The following ATP8A2 variants were observed in gnomAD, a reference collection of about 807,000 sequenced individuals.
ATP8A2 encodes ATPase phospholipid transporting 8A2, also known as phospholipid-transporting ATPase IB.
ATP8A2 carries 100 observed loss-of-function variants against 165.6 expected under a neutral mutation model. The ratio of observed to expected loss-of-function variants is 0.60; its 90% CI spans 0.51 to 0.71. ATP8A2 has a LOEUF of 0.71. Ranked by LOEUF, ATP8A2 falls within the 30% of genes least tolerant of loss-of-function variation. The pLI is 0.00. For missense variants in ATP8A2, 1,227 were observed against 1,479.5 expected, an observed-to-expected ratio of 0.83 and a Z score of 2.80; for synonymous variants, 543 against 548.8, an observed-to-expected ratio of 0.99 and a Z score of 0.15.
intron 36 of ATP8A2, among the ~76,000 whole-genome samples, chr13:26,012,902 G>A (rs960972846): frequency 2.0e-5 from 3 of 152,160 alleles, no homozygotes; most frequent in African/African-American, 7.2e-5. Flanking sequence ...GTTTTTTAAG[G>A]TTGAAGCAGT....
chr13:25,923,489 G>A (rs921523507), intron 33 of ATP8A2, among the ~76,000 whole-genome samples: 2 of 152,040 alleles, frequency 1.3e-5, no homozygotes, highest in African/African-American at 2.4e-5. Flanking sequence ...GAAAAATGAC[G>A]CTATTAATAT....
Position 26,022,592 on chromosome 13 carries a change from C to G in ATP8A2, c.*2607C>G, listed in dbSNP as rs977913843. 6.6e-6 allele frequency: 1 copy of G among 152,204 alleles called. No homozygotes were observed. Among genetic ancestry groups the G allele is most frequent in the Non-Finnish European group, 1.5e-5 (1 of 68,042 alleles). 9.4% of individuals were successfully genotyped at this position (152,204 alleles called of 1,614,324 possible). A position where few individuals can be genotyped will look rare whatever the true frequency, so the allele number is the denominator to read the frequency against. On this transcript the variant is annotated 3_prime_UTR_variant, in exon 37 of 37. Transcript: ENST00000381655. ...GTTGAGCATTCTTACAGCCAAATGA[C>G]TAAATTGGCTGTAAATTGGTTTCTA... is the stretch of plus-strand genomic sequence containing the variant.
intron 1 of ATP8A2, among the ~76,000 whole-genome samples, chr13:25,435,354 C>T (rs73471989): frequency 0.21 from 32,552 of 151,876 alleles, 3,867 homozygotes; most frequent in East Asian, 0.4. Context: ...CTCCTAACTT[C>T]GTGATCCACC....
chr13:25,814,292 A>T (rs1950954123), intron 27 of ATP8A2, among the ~76,000 whole-genome samples: 1 of 152,194 alleles, frequency 6.6e-6, no homozygotes, highest in African/African-American at 2.4e-5. Flanking sequence ...ATCATTAAAA[A>T]TTTTAGATGT....
rs548954624 is a variant in ATP8A2 at position 25,587,010 on chromosome 13, A to G, written c.2147-2625A>G. ...TTGTAGTATACTGTTAATTTCAACT[A>G]TAGTAAAAAATGAAATCCCAGAGGT... On this transcript the variant is annotated intron_variant, in intron 23 of 36. Transcript: ENST00000381655. Among the ~76,000 whole-genome samples, 5 of 152,350 alleles carry G rather than the reference A, an allele frequency of 3.3e-5. No individual in the cohort carries two copies. In the South Asian group the frequency reaches 8.3e-4, roughly 25 times the overall value.
At chr13:25,375,087 C>T (rs1371777787) in intron 1 of ATP8A2, among the ~76,000 whole-genome samples, 2 of 152,196 alleles carry the variant, frequency 1.3e-5, no homozygotes, top group African/African-American at 4.8e-5. Flanking sequence ...CAGTGTGTCT[C>T]ATTTTACCAA....
chr13:25,965,257 A>C (rs1236763062), intron 34 of ATP8A2, among the ~76,000 whole-genome samples: 1 of 152,220 alleles, frequency 6.6e-6, no homozygotes, highest in African/African-American at 2.4e-5. Context: ...CCATCTTTCT[A>C]CATTTTCCCC....
chr13:25,916,096 A>G (rs1378968849), intron 33 of ATP8A2, among the ~76,000 whole-genome samples: 1 of 152,214 alleles, frequency 6.6e-6, no homozygotes, highest in African/African-American at 2.4e-5. Context: ...AACATTTTCC[A>G]CCAACTGTGC....
At chr13:25,758,132 T>G (rs2044303216) in intron 25 of ATP8A2, among the ~76,000 whole-genome samples, 1 of 152,224 alleles carries the variant, frequency 6.6e-6, no homozygotes, top group African/African-American at 2.4e-5. Context: ...ATTTGGCTTC[T>G]CTGAACAGGG....
chr13:25,440,648 G>A (rs1003132109), intron 1 of ATP8A2, among the ~76,000 whole-genome samples: 1 of 152,204 alleles, frequency 6.6e-6, no homozygotes, highest in African/African-American at 2.4e-5. Flanking sequence ...CGTCTGCAAA[G>A]TTTTAAAAAA....
intron 27 of ATP8A2, among the ~76,000 whole-genome samples, chr13:25,782,887 G>A (rs560191798): frequency 6.6e-6 from 1 of 151,576 alleles, no homozygotes; most frequent in East Asian, 2.0e-4. Flanking sequence ...TTACAGGCAC[G>A]TGCCACCGCA....
intron 1 of ATP8A2, among the ~76,000 whole-genome samples, chr13:25,403,696 G>T (rs2033710831): frequency 6.6e-6 from 1 of 152,174 alleles, no homozygotes; most frequent in South Asian, 2.1e-4. Flanking sequence ...ATATGGTCTT[G>T]AAATATTTTT....
At chr13:25,628,166 C>G (rs980368963) in intron 24 of ATP8A2, among the ~76,000 whole-genome samples, 1 of 152,180 alleles carries the variant, frequency 6.6e-6, no homozygotes, top group Non-Finnish European at 1.5e-5. Flanking sequence ...CTCTTGCTGA[C>G]TTAGAAACCC....
At chr13:25,390,410 A>G (rs1178943289) in intron 1 of ATP8A2, among the ~76,000 whole-genome samples, 2 of 152,136 alleles carry the variant, frequency 1.3e-5, no homozygotes, top group Non-Finnish European at 2.9e-5. Context: ...TGGCTTGATG[A>G]CTTTCACAAA....
chr13:25,435,163 C>T (rs531671410), intron 1 of ATP8A2, among the ~76,000 whole-genome samples: 2 of 150,964 alleles, frequency 1.3e-5, no homozygotes, highest in Non-Finnish European at 2.9e-5. Context: ...CTTTTTTGCC[C>T]AGGCCGGAGT....
chr13:25,451,975 C>G (rs2035239105), intron 1 of ATP8A2, among the ~76,000 whole-genome samples: 1 of 152,016 alleles, frequency 6.6e-6, no homozygotes, highest in Admixed American at 6.6e-5. Context: ...CTGCCTCAGC[C>G]TCCCAAGTAG....
chr13:25,751,205 G>C (rs1802177438), intron 25 of ATP8A2, among the ~76,000 whole-genome samples: 1 of 152,130 alleles, frequency 6.6e-6, no homozygotes, highest in Admixed American at 6.5e-5. Context: ...CAGATGCCCT[G>C]AGGGCCCCAG....
rs148712417 is a variant in ATP8A2, at chr13:25,986,753, T to G, written c.3377+18074T>G. Among the ~76,000 whole-genome samples, 31 of 152,338 alleles carry G rather than the reference T, an allele frequency of 2.0e-4. No individual in the cohort carries two copies. In the East Asian group the frequency reaches 5.2e-3, roughly 26 times the overall value. On this transcript the variant is annotated intron_variant, in intron 35 of 36. Transcript: ENST00000381655. ...CTAGGATTGCTGAGTCATATGCTTA[T>G]TCTCTATTTTTGAATTTTTTGAGGA... is the stretch of plus-strand genomic sequence containing the variant.
chr13:25,991,674 G>C (rs73155960), intron 35 of ATP8A2, among the ~76,000 whole-genome samples: 4,835 of 152,264 alleles, frequency 0.032, 105 homozygotes, highest in Non-Finnish European at 0.047. Flanking sequence ...TGTGTCCATA[G>C]TTTCTTCCTG....
Sources: gnomAD v4.1 joint callset for allele counts (sites outside exome capture counted in the v4.1 genomes callset) on GRCh38, gnomAD v4.1.1 for gene constraint, MANE v1.5 for transcripts, NCBI Gene and HGNC (gene_info 2026-07-23, HGNC 2026-07-21) for gene names.